Variants in ALB observed in about 807,000 individuals in gnomAD.
ALB encodes the protein albumin.
ALB carries 37 observed loss-of-function variants against 74.5 expected under a neutral mutation model. The ratio of observed to expected loss-of-function variants is 0.50; its 90% confidence interval spans 0.38 to 0.65. The LOEUF (loss-of-function observed/expected upper bound fraction) is 0.65. Among genes scored for constraint, ALB ranks in the 30% least tolerant of loss-of-function variants. ALB has a pLI of 0.00. For synonymous variants in ALB, 249 were observed against 251.6 expected (o/e 0.99, Z 0.10); for missense variants, 685 against 718.7 (o/e 0.95, Z 0.54).
chr4:73,419,700 T>G, intron 13 of ALB, 61 bp downstream of exon 13: 4 of 1,583,476 alleles, frequency 2.5e-6, no homozygotes, highest in Non-Finnish European at 3.5e-6. Flanking sequence ...TTGGTTAGGC[T>G]AGGGCTTAGG....
chr4:73,409,461 G>T lies in ALB; in HGVS notation c.589G>T (p.Asp197Tyr), dbSNP rs1294427169. 5 of 1,613,800 alleles carry T rather than the reference G, an allele frequency of 3.1e-6. No individual in the cohort carries two copies. The highest frequency in any genetic ancestry group is 1.3e-5 in the African/African-American group (1 of 74,906). The change falls in exon 5 of 15, where the codon GAT (aspartate) becomes TAT (tyrosine). Residue 197 changes from aspartate (D) to tyrosine (Y), a missense_variant. Physicochemically the swap from Asp to Tyr is radical, Grantham distance 160. Transcript: ENST00000295897. ...TTTTACAGAATGTTGCCAAGCTGCT[G>T]ATAAAGCTGCCTGCCTGTTGCCAAA... ...AAFTECCQAA[D>Y]KAACLLPKLD... is the part of the protein sequence containing the mutation.
chr4:73,413,313 A>T, intron 7 of ALB, 107 bp from the exon 8 acceptor site: 1 of 1,037,394 alleles, frequency 9.6e-7, no homozygotes, highest in Non-Finnish European at 1.5e-6. Flanking sequence ...GAATATGTGT[A>T]TGGTCTTAGA....
chr4:73,411,414 A>G (rs183458138), intron 6 of ALB, among the ~76,000 whole-genome samples: 16 of 152,316 alleles, frequency 1.1e-4, no homozygotes, highest in Admixed American at 3.9e-4. Flanking sequence ...CTTTCTTTTT[A>G]TAAGTAAGAT....
In ALB at chr4:73,413,461, C is replaced by T; in HGVS notation, c.885C>T (p.Ile295=). The T allele has an allele frequency of 1.2e-6, 2 of 1,614,156 alleles. No individual in the cohort carries two copies. The highest frequency in any genetic ancestry group is 1.7e-6 in the Non-Finnish European group (2 of 1,180,016). The change falls in exon 8 of 15, where the codon ATC becomes ATT. Residue 295 remains isoleucine (I), a synonymous_variant. Coordinates refer to ENST00000295897, the MANE Select transcript of ALB (RefSeq NM_000477.7). ...ATATCTGTGAAAATCAAGATTCGAT[C>T]TCCAGTAAACTGAAGGAATGCTGTG... The part of the protein sequence containing the change: ...AKYICENQDS[I]SSKLKECCEK...
rs552730244 is a variant in ALB, at chr4:73,413,854, C to T, written c.1058+220C>T. Among the ~76,000 whole-genome samples the T allele has an allele frequency of 1.2e-4, 18 of 152,318 alleles. No individual in the cohort carries two copies. In the South Asian group the frequency reaches 3.7e-3, roughly 32 times the overall value. On this transcript the variant is annotated intron_variant, in intron 8 of 14. Transcript: ENST00000295897. ...TCATGGCAAAGCTCAACATTCCTTA[C>T]TCCTTAGGGGTATTTCTGAAAATAC...
chr4:73,419,758 T>A, intron 13 of ALB, 119 bp downstream of exon 13: 2 of 1,230,744 alleles, frequency 1.6e-6, no homozygotes, highest in Non-Finnish European at 2.3e-6. Flanking sequence ...AGGGATCTTA[T>A]TTTACAAACA....
Position 73,411,829 on chromosome 4 carries a change from C to G in ALB, c.714-167C>G, listed in dbSNP as rs968709926. 2.0e-5 allele frequency among the ~76,000 whole-genome samples: 3 copies of G among 152,086 alleles called. No homozygotes were observed. The South Asian group carries it at 6.2e-4, about 32-fold the overall frequency. ...CACACTCTTAAATGGATAATTCTGC[C>G]CTAAGGATAAGTGATTACCATTTGG... On this transcript the variant is annotated intron_variant, in intron 6 of 14. Coordinates refer to ENST00000295897, the MANE Select transcript of ALB (RefSeq NM_000477.7).
chr4:73,406,538 C>T (rs1560854203), intron 2 of ALB, 91 bp from the exon 3 acceptor site: 23 of 1,211,440 alleles, frequency 1.9e-5, no homozygotes. Flanking sequence ...AAGATAGAAC[C>T]TATACCCATA....
Position 73,410,393 on chromosome 4 carries a change from A to G in ALB, c.697A>G (p.Arg233Gly). 1 of 1,611,612 alleles carries G rather than the reference A, an allele frequency of 6.2e-7. No individual in the cohort carries two copies. Among genetic ancestry groups the G allele is most frequent in the Non-Finnish European group, 8.5e-7 (1 of 1,177,710 alleles). ...TGCCAGTCTCCAAAAATTTGGAGAA[A>G]GAGCTTTCAAAGCATGGTAAATACT... ...KCASLQKFGE[R>G]AFKAWAVARL... Residue 233 changes from arginine (R) to glycine (G), a missense_variant, in exon 6 of 15, where the codon AGA (arginine) becomes GGA (glycine). Arg to Gly is a moderately radical substitution (Grantham distance 125, BLOSUM62 -2). Transcript: ENST00000295897.
At chr4:73,419,960 G>C (rs892554718) in intron 13 of ALB, among the ~76,000 whole-genome samples, 6 of 152,130 alleles carry the variant, frequency 3.9e-5, no homozygotes, top group African/African-American at 1.4e-4. Context: ...ACATTTACTT[G>C]AAATGTGGTG....
rs55764359 is a variant in ALB at position 73,409,147 on chromosome 4, G to GCACACACACA, written c.483-192_483-183dup. On this transcript the variant is annotated intron_variant, in intron 4 of 14. Coordinates refer to ENST00000295897, the MANE Select transcript of ALB (RefSeq NM_000477.7). The stretch of plus-strand genomic sequence containing the variant: ...ATATTGCCAAAATTTAACCATTTAT[G>GCACACACACA]CACACACACACACACACACACACAC... 448 of 560,602 alleles carry GCACACACACA rather than the reference G, an allele frequency of 8.0e-4. 1 individual carries two copies. The highest frequency in any genetic ancestry group is 6.3e-3 in the African/African-American group (328 of 52,238). 34.7% of individuals were successfully genotyped at this position (560,602 alleles called of 1,614,324 possible).
rs145924167 is a variant in ALB at position 73,415,107 on chromosome 4, T to C, written c.1131T>C (p.Tyr377=). The change falls in exon 9 of 15, where the codon TAT becomes TAC. Residue 377 remains tyrosine (Y), a synonymous_variant. Transcript: ENST00000295897. ...VVLLLRLAKT[Y]ETTLEKCCAA... is the part of the protein sequence containing the mutation. Reference sequence around the variant, plus strand: ...TGCTGCTGAGACTTGCCAAGACATATGAAACCACTCTAGAGAAGTGCTGTG... The same window carrying C: ...TGCTGCTGAGACTTGCCAAGACATACGAAACCACTCTAGAGAAGTGCTGTG... The C allele has an allele frequency of 3.1e-6, 5 of 1,614,052 alleles. No homozygotes were observed. The highest frequency in any genetic ancestry group is 1.1e-5 in the South Asian group (1 of 91,092).
intron 2 of ALB, 82 bp downstream of exon 2, chr4:73,405,255 A>C (rs1718690853): frequency 8.2e-7 from 1 of 1,220,572 alleles, no homozygotes. Flanking sequence ...TTTCCTTGTC[A>C]TCAGGGTTCA....
intron 8 of ALB, 53 bp from the exon 9 acceptor site, chr4:73,414,982 A>ATT: frequency 6.3e-7 from 1 of 1,599,660 alleles, no homozygotes; most frequent in Non-Finnish European, 8.6e-7. Context: ...GCTTTGTGAT[A>ATT]TTTTTTGTGC....
At chr4:73,411,007 C>T (rs1718861137) in intron 6 of ALB, among the ~76,000 whole-genome samples, 1 of 152,046 alleles carries the variant, frequency 6.6e-6, no homozygotes, top group African/African-American at 2.4e-5. Context: ...TTGCCTGAGC[C>T]TCTGTTTTCA....
Position 73,412,072 on chromosome 4 carries a change from A to G in ALB, c.790A>G (p.Lys264Glu), listed in dbSNP as rs79377490. 1.9e-5 allele frequency: 31 copies of G among 1,614,060 alleles called. No homozygotes were observed. Among genetic ancestry groups the G allele is most frequent in the Non-Finnish European group, 2.6e-5 (31 of 1,180,018 alleles). The change falls in exon 7 of 15, where the codon AAA (lysine) becomes GAA (glutamate). Residue 264 changes from lysine to glutamate, a missense_variant. Transcript: ENST00000295897. ...EVSKLVTDLT[K>E]VHTECCHGDL... ...TTCCAAGTTAGTGACAGATCTTACCAAAGTCCACACGGAATGCTGCCATGG... is the reference window on the plus strand; with the variant it reads ...TTCCAAGTTAGTGACAGATCTTACCGAAGTCCACACGGAATGCTGCCATGG...
At chr4:73,417,385 A>G (rs964313762) in intron 10 of ALB, 146 bp from the exon 11 acceptor site, 3 of 1,042,224 alleles carry the variant, frequency 2.9e-6, no homozygotes, top group East Asian at 2.5e-5. Context: ...TCTACCCTCC[A>G]CTAACCCACT....
intron 12 of ALB, 118 bp downstream of exon 12, chr4:73,418,429 G>A: frequency 1.1e-6 from 1 of 907,702 alleles, no homozygotes; most frequent in East Asian, 2.6e-5. Context: ...GTATTGGAGT[G>A]TTGCCCTTAT....
chr4:73,417,774 C>T, intron 11 of ALB, 105 bp downstream of exon 11: 9 of 1,093,234 alleles, frequency 8.2e-6, no homozygotes, highest in South Asian at 4.8e-5. Flanking sequence ...TGTGTGTGTG[C>T]ATGTTTGTGT....
Sources: allele counts gnomAD v4.1 joint callset (sites outside exome capture counted in the v4.1 genomes callset), GRCh38; gene constraint gnomAD v4.1.1; transcripts MANE v1.5; gene names NCBI Gene and HGNC (gene_info 2026-07-23, HGNC 2026-07-21).